Variants in NR1H3 observed in about 807,000 individuals in gnomAD.
NR1H3 encodes the protein oxysterols receptor LXR-alpha.
A neutral mutation model predicts 48.1 loss-of-function variants in NR1H3; 19 were observed. That is an observed-to-expected ratio of 0.40 (90% CI 0.28 to 0.58). The LOEUF (loss-of-function observed/expected upper bound fraction) is 0.58. Among genes scored for constraint, NR1H3 ranks in the 20% least tolerant of loss-of-function variants. The pLI is 0.50. For synonymous variants in NR1H3, 232 were observed against 227.3 expected, an observed-to-expected ratio of 1.02 and a Z score of -0.19; for missense variants, 486 against 595.9, an observed-to-expected ratio of 0.82 and a Z score of 1.92.
chr11:47,249,087 A>C, intron 1 of NR1H3: 1 of 1,290,146 alleles, frequency 7.8e-7, no homozygotes, highest in South Asian at 1.5e-5. Context: ...TGCTCGGAGA[A>C]ATCCCTTACC....
chr11:47,263,591 C>CT (rs369549420), intron 7 of NR1H3, among the ~76,000 whole-genome samples: 2 of 147,370 alleles, frequency 1.4e-5, no homozygotes, highest in Non-Finnish European at 3.0e-5. Context: ...TACTCTTTTT[C>CT]TTTTTTTTTC....
At chr11:47,260,179 G>A (rs777552728) in intron 3 of NR1H3, among the ~76,000 whole-genome samples, 200 bp downstream of exon 3, 1 of 152,124 alleles carries the variant, frequency 6.6e-6, no homozygotes, top group Non-Finnish European at 1.5e-5. Context: ...TTTATAAAAT[G>A]GAAATAAAAA....
chr11:47,253,933 T>G (rs1198919424), upstream of NR1H3, among the ~76,000 whole-genome samples: 1 of 152,094 alleles, frequency 6.6e-6, no homozygotes, highest in African/African-American at 2.4e-5. Flanking sequence ...GCTGATCACT[T>G]CACTGCTTGC....
intron 1 of NR1H3, chr11:47,250,387 G>C (rs1954543495): frequency 6.6e-6 from 1 of 152,140 alleles, no homozygotes; most frequent in South Asian, 2.1e-4. Flanking sequence ...CTCCAGTCTA[G>C]ATGACAGAGC....
In NR1H3 at chr11:47,268,236, C is replaced by T. The variant is rs201517266; in HGVS notation, c.1103-25C>T. 2.2e-5 allele frequency: 36 copies of T among 1,610,236 alleles called. No homozygotes were observed. In the East Asian group the frequency reaches 8.0e-4, roughly 36 times the overall value. ...GAACTGGACCCTGGCCAGACCTGCT[C>T]CTCAACTCTCTTGGTGACCTATAGA... On this transcript the variant is annotated intron_variant, in intron 8 of 9. Coordinates refer to ENST00000441012, the MANE Select transcript of NR1H3 (RefSeq NM_005693.4).
intron 1 of NR1H3, among the ~76,000 whole-genome samples, chr11:47,251,377 C>T (rs12577319): frequency 0.11 from 16,672 of 151,890 alleles, 1,061 homozygotes; most frequent in South Asian, 0.23. Flanking sequence ...TTTGGGAGGA[C>T]GAGGCGGGTG....
At chr11:47,248,399 A>G (rs1471637082), upstream of NR1H3, 92 of 1,513,502 alleles carry the variant, frequency 6.1e-5, no homozygotes, top group Admixed American at 1.2e-3. Flanking sequence ...TGTGGTGGGG[A>G]CAACTGGGGA....
chr11:47,257,778 C>G (rs1955329959), upstream of NR1H3: 1 of 943,548 alleles, frequency 1.1e-6, no homozygotes, highest in Admixed American at 6.5e-5. Context: ...GGCTGGTCTG[C>G]AGGGAAATGC....
chr11:47,264,817 T>C (rs1956289733), intron 7 of NR1H3, among the ~76,000 whole-genome samples: 1 of 152,248 alleles, frequency 6.6e-6, no homozygotes, highest in South Asian at 2.1e-4. Context: ...TCCGCTACTA[T>C]TTACTGCATG....
At chr11:47,267,034 T>C (rs1386744211) in intron 7 of NR1H3, among the ~76,000 whole-genome samples, 2 of 152,092 alleles carry the variant, frequency 1.3e-5, no homozygotes, top group Non-Finnish European at 2.9e-5. Context: ...TGGCAGGTGA[T>C]GGTGTCTGGT....
upstream of NR1H3, among the ~76,000 whole-genome samples, chr11:47,255,585 CTTTCTTTCTT>C (rs1177660351): frequency 0.031 from 2,838 of 92,520 alleles, 36 homozygotes; most frequent in African/African-American, 0.075. Flanking sequence ...TTCTTTCTTT[CTTTCTTTCTT>C]TCTCTCTCTC....
At chr11:47,256,642 C>T (rs1233174467), upstream of NR1H3, among the ~76,000 whole-genome samples, 1 of 139,422 alleles carries the variant, frequency 7.2e-6, no homozygotes, top group Non-Finnish European at 1.5e-5. Context: ...TGAGACCCTA[C>T]CCCAAAAAAG....
intron 7 of NR1H3, among the ~76,000 whole-genome samples, chr11:47,265,137 T>G (rs1209870750): frequency 2.0e-5 from 3 of 151,854 alleles, no homozygotes; most frequent in Non-Finnish European, 4.4e-5. Context: ...CTACTGAAAA[T>G]ACAAAAATTA....
intron 4 of NR1H3, 77 bp from the exon 5 acceptor site, chr11:47,261,164 C>A: frequency 1.0e-6 from 1 of 972,920 alleles, no homozygotes; most frequent in Non-Finnish European, 1.5e-6. Flanking sequence ...CCCATCCTTC[C>A]CTCCTGTCTT....
At chr11:47,267,876 CCTGCTGCTT>C (rs760120177) in intron 7 of NR1H3, 28 bp from the exon 8 acceptor site, 2 of 1,437,020 alleles carry the variant, frequency 1.4e-6, no homozygotes, top group East Asian at 2.3e-5. Flanking sequence ...TCCTGCTGCT[CCTGCTGCTT>C]GCGTCAGCCT....
chr11:47,257,490 T>G, upstream of NR1H3: 1 of 217,750 alleles, frequency 4.6e-6, no homozygotes, highest in Non-Finnish European at 7.8e-6. Context: ...CACCCCTGGA[T>G]TTCTACCAGC....
intron 2 of NR1H3, 131 bp from the exon 3 acceptor site, chr11:47,259,660 C>T (rs2135621106): frequency 4.0e-6 from 6 of 1,518,204 alleles, no homozygotes; most frequent in Admixed American, 2.1e-5. Flanking sequence ...ACTCTAGGGT[C>T]CCAAAGCCTG....
At chr11:47,259,673 C>A in intron 2 of NR1H3, 118 bp from the exon 3 acceptor site, 1 of 1,541,104 alleles carries the variant, frequency 6.5e-7, no homozygotes, top group Non-Finnish European at 8.7e-7. Context: ...AAAGCCTGAG[C>A]TGGGACTTTG....
chr11:47,259,137 G>A, intron 1 of NR1H3, 43 bp from the exon 2 acceptor site: 1 of 1,608,210 alleles, frequency 6.2e-7, no homozygotes, highest in Non-Finnish European at 8.5e-7. Context: ...AGGCCAGAAA[G>A]GAGCCCAGTT....
Sources: gnomAD v4.1 joint callset for allele counts (sites outside exome capture counted in the v4.1 genomes callset) on GRCh38, gnomAD v4.1.1 for gene constraint, MANE v1.5 for transcripts, NCBI Gene and HGNC (gene_info 2026-07-23, HGNC 2026-07-21) for gene names.